CADM2: variants seen among roughly 807,000 people sequenced by gnomAD.
CADM2 encodes cell adhesion molecule 2, also known as immunoglobulin superfamily member 4D.
CADM2 carries 12 observed loss-of-function variants against 49.8 expected under a neutral mutation model. The ratio of observed to expected loss-of-function variants is 0.24; its 90% CI spans 0.15 to 0.39. The LOEUF (loss-of-function observed/expected upper bound fraction) is 0.39. Ranked by LOEUF, CADM2 falls within the 10% of genes least tolerant of loss-of-function variation. CADM2 has a pLI of 1.00. For synonymous variants in CADM2, 214 were observed against 175.4 expected, an observed-to-expected ratio of 1.22 and a Z score of -1.74; for missense variants, 378 against 492.3, an observed-to-expected ratio of 0.77 and a Z score of 2.20.
intron 1 of CADM2, among the ~76,000 whole-genome samples, chr3:85,588,693 T>G (rs1455229149): frequency 3.3e-5 from 5 of 152,042 alleles, no homozygotes; most frequent in African/African-American, 1.2e-4. Context: ...AATCTTATGT[T>G]TCCAGTAGCA....
At chr3:85,946,556 GTAC>G (rs1722728845) in intron 7 of CADM2, among the ~76,000 whole-genome samples, 1 of 151,798 alleles carries the variant, frequency 6.6e-6, no homozygotes, top group Admixed American at 6.6e-5. Context: ...AAACAGCATG[GTAC>G]TGGTACCAAA....
At chr3:85,853,099 T>C (rs1363970612) in intron 3 of CADM2, among the ~76,000 whole-genome samples, 6 of 151,360 alleles carry the variant, frequency 4.0e-5, no homozygotes, top group Admixed American at 3.9e-4. Context: ...AAACAATCTT[T>C]CTTAAAAAAA....
At chr3:85,179,596 T>C (rs2040873899) in intron 1 of CADM2, among the ~76,000 whole-genome samples, 1 of 152,068 alleles carries the variant, frequency 6.6e-6, no homozygotes, top group Non-Finnish European at 1.5e-5. Context: ...TGGGGTCATA[T>C]TATTAAGGTA....
chr3:85,312,716 C>A (rs1040656895), intron 1 of CADM2, among the ~76,000 whole-genome samples: 7 of 152,110 alleles, frequency 4.6e-5, no homozygotes, highest in Non-Finnish European at 7.4e-5. Context: ...AACTCCCTAA[C>A]AGCAACTTCA....
chr3:85,550,086 C>T (rs1339688317), intron 1 of CADM2, among the ~76,000 whole-genome samples: 4 of 151,996 alleles, frequency 2.6e-5, no homozygotes, highest in African/African-American at 9.7e-5. Context: ...AGCCTTTTAC[C>T]GATGAGATAG....
At chr3:85,562,242 G>T (rs1256533731) in intron 1 of CADM2, among the ~76,000 whole-genome samples, 1 of 151,920 alleles carries the variant, frequency 6.6e-6, no homozygotes, top group Non-Finnish European at 1.5e-5. Context: ...CACTTTCGGG[G>T]GCTGAGACAG....
At chr3:85,364,000 A>C (rs2032557007) in intron 1 of CADM2, among the ~76,000 whole-genome samples, 1 of 152,184 alleles carries the variant, frequency 6.6e-6, no homozygotes, top group Non-Finnish European at 1.5e-5. Flanking sequence ...GCATTACCTT[A>C]TCATTATAAT....
At chr3:85,665,307 T>C (rs2065532256) in intron 1 of CADM2, among the ~76,000 whole-genome samples, 1 of 151,876 alleles carries the variant, frequency 6.6e-6, no homozygotes, top group Non-Finnish European at 1.5e-5. Context: ...AATTAATACA[T>C]CTCCAACTTT....
At chr3:85,067,287 G>A (rs1322476676) in intron 1 of CADM2, among the ~76,000 whole-genome samples, 1 of 152,006 alleles carries the variant, frequency 6.6e-6, no homozygotes, top group Non-Finnish European at 1.5e-5. Context: ...AACTGTGTGT[G>A]TGTGTGTTTG....
At chr3:85,671,481 A>G (rs536763798) in intron 1 of CADM2, among the ~76,000 whole-genome samples, 1 of 152,324 alleles carries the variant, frequency 6.6e-6, no homozygotes, top group Admixed American at 6.5e-5. Flanking sequence ...CAACTGTTTT[A>G]AATATATACA....
At chr3:85,768,736 T>C (rs1267713732) in intron 2 of CADM2, among the ~76,000 whole-genome samples, 2 of 142,830 alleles carry the variant, frequency 1.4e-5, no homozygotes, top group South Asian at 2.1e-4. Flanking sequence ...TATATACACA[T>C]ATATACACAT....
At chr3:85,429,992 G>A (rs886308818) in intron 1 of CADM2, among the ~76,000 whole-genome samples, 3 of 152,206 alleles carry the variant, frequency 2.0e-5, no homozygotes, top group East Asian at 1.9e-4. Context: ...TTATGCATAG[G>A]TTGCTTTGTA....
At chr3:85,314,316 C>A (rs903283835) in intron 1 of CADM2, among the ~76,000 whole-genome samples, 1 of 151,494 alleles carries the variant, frequency 6.6e-6, no homozygotes. Context: ...GCTTTATGCA[C>A]GTTTTTTTCT....
At chr3:85,757,687 T>C (rs2069188514) in intron 2 of CADM2, among the ~76,000 whole-genome samples, 1 of 152,164 alleles carries the variant, frequency 6.6e-6, no homozygotes, top group African/African-American at 2.4e-5. Context: ...CATAGTATTG[T>C]AGATTCTAGG....
intron 1 of CADM2, among the ~76,000 whole-genome samples, chr3:85,176,294 A>G (rs1441373102): frequency 1.3e-5 from 2 of 152,146 alleles, no homozygotes; most frequent in Non-Finnish European, 2.9e-5. Context: ...CATAAATATT[A>G]TCTATAGATT....
intron 8 of CADM2, among the ~76,000 whole-genome samples, chr3:85,999,259 G>T (rs13086628): frequency 1.4e-5 from 2 of 146,256 alleles, no homozygotes; most frequent in African/African-American, 5.1e-5. Flanking sequence ...ATCACTTTGG[G>T]AGGCCGAGGG....
intron 1 of CADM2, among the ~76,000 whole-genome samples, chr3:85,311,748 G>T (rs1323235781): frequency 5.3e-5 from 8 of 152,076 alleles, no homozygotes; most frequent in Non-Finnish European, 1.5e-5. Flanking sequence ...AACACCTTAT[G>T]CTGAGTTTTG....
At chr3:85,648,328 CTCTTG>C (rs2064950192) in intron 1 of CADM2, among the ~76,000 whole-genome samples, 1 of 151,724 alleles carries the variant, frequency 6.6e-6, no homozygotes, top group African/African-American at 2.4e-5. Flanking sequence ...TTTAATTGTC[CTCTTG>C]TCTTTGAGCA....
chr3:85,224,118 C>T (rs2042099532), intron 1 of CADM2, among the ~76,000 whole-genome samples: 1 of 152,044 alleles, frequency 6.6e-6, no homozygotes, highest in Admixed American at 6.6e-5. Context: ...GGTATATACC[C>T]AATAGTGTGA....
Sources: allele counts gnomAD v4.1 joint callset (sites outside exome capture counted in the v4.1 genomes callset), GRCh38; gene constraint gnomAD v4.1.1; transcripts MANE v1.5; gene names NCBI Gene and HGNC (gene_info 2026-07-23, HGNC 2026-07-21).